JAKMIP3: variants seen among roughly 807,000 people sequenced by gnomAD.
JAKMIP3 encodes the protein janus kinase and microtubule-interacting protein 3.
In JAKMIP3, 58 loss-of-function variants were observed where a neutral mutation model predicts 118.5. The ratio of observed to expected loss-of-function variants is 0.49; its 90% confidence interval spans 0.40 to 0.61. The LOEUF is 0.61. Among genes scored for constraint, JAKMIP3 ranks in the 20% least tolerant of loss-of-function variants. The probability of loss-of-function intolerance (pLI) is 0.00; values close to 1 mark genes in which losing one functional copy is unlikely to be tolerated. For missense variants in JAKMIP3, 950 were observed against 1,109.0 expected, an observed-to-expected ratio of 0.86 and a Z score of 2.04; for synonymous variants, 486 against 451.2, an observed-to-expected ratio of 1.08 and a Z score of -0.98.
chr10:132,143,312 A>C (rs1401897575), intron 11 of JAKMIP3, among the ~76,000 whole-genome samples: 1 of 152,168 alleles, frequency 6.6e-6, no homozygotes, highest in Non-Finnish European at 1.5e-5. Context: ...CATAAAGCAC[A>C]GCAGCCCCGA....
intron 1 of JAKMIP3, among the ~76,000 whole-genome samples, chr10:132,103,704 A>G (rs898112249): frequency 5.9e-5 from 9 of 152,012 alleles, no homozygotes; most frequent in Admixed American, 1.3e-4. Flanking sequence ...CTAGTGCCTG[A>G]CCATGGATTG....
At chr10:132,091,697 C>T (rs1409455525) in intron 1 of JAKMIP3, among the ~76,000 whole-genome samples, 1 of 152,200 alleles carries the variant, frequency 6.6e-6, no homozygotes, top group African/African-American at 2.4e-5. Flanking sequence ...CTGAATACAG[C>T]ACACTGATGG....
chr10:132,078,984 C>T (rs925893091), intron 1 of JAKMIP3, among the ~76,000 whole-genome samples: 4 of 152,186 alleles, frequency 2.6e-5, no homozygotes, highest in Admixed American at 6.5e-5. Flanking sequence ...GGTGGGTGGC[C>T]CTGAAGGCTC....
At chr10:132,176,454 C>T (rs927989487) in intron 23 of JAKMIP3, among the ~76,000 whole-genome samples, 5 of 152,188 alleles carry the variant, frequency 3.3e-5, no homozygotes, top group Non-Finnish European at 5.9e-5. Flanking sequence ...GCTGCTTGCT[C>T]ATTTCGTCCC....
chr10:132,080,524 TTTTTTTTTTTTTTTTA>T (rs1347752984), intron 1 of JAKMIP3, among the ~76,000 whole-genome samples: 4 of 107,724 alleles, frequency 3.7e-5, no homozygotes, highest in African/African-American at 1.0e-4. Flanking sequence ...TTTTTTTTTT[TTTTTTTTTTTTTTTTA>T]AGATGGAGTC....
intron 19 of JAKMIP3, among the ~76,000 whole-genome samples, chr10:132,161,168 T>A (rs1349176193): frequency 1.9e-4 from 3 of 15,916 alleles, no homozygotes; most frequent in African/African-American, 5.2e-4. Flanking sequence ...AGCCTCTTCC[T>A]GTGTGATGCT....
rs1214638413 is a variant in JAKMIP3, at chr10:132,109,112, AC to A, written c.135+4170del. On this transcript the variant is annotated intron_variant, in intron 2 of 23. Coordinates refer to ENST00000684848, the MANE Select transcript of JAKMIP3 (RefSeq NM_001323087.2). ...CACACACATATATATATACACACACACATATATATATACACACACACATATA... is the reference window on the plus strand; with the variant it reads ...CACACACATATATATATACACACACAATATATATATACACACACACATATA... Among the ~76,000 whole-genome samples the A allele has an allele frequency of 4.2e-4, 60 of 144,268 alleles. 3 individuals carry two copies. The highest frequency in any genetic ancestry group is 1.6e-4 in the Non-Finnish European group (11 of 66,874). The allele number at this position is 144,268 out of a possible 152,430, so 94.6% of individuals were successfully genotyped here. A position where few individuals can be genotyped will look rare whatever the true frequency, so the allele number is the denominator to read the frequency against.
At chr10:132,138,266 G>A in intron 9 of JAKMIP3, 88 bp downstream of exon 9, 1 of 1,215,888 alleles carries the variant, frequency 8.2e-7, no homozygotes. Context: ...GCGCTGGTGT[G>A]TGCGGAGAGG....
chr10:132,110,770 T>A (rs902878850), intron 2 of JAKMIP3, among the ~76,000 whole-genome samples: 1 of 152,154 alleles, frequency 6.6e-6, no homozygotes, highest in Non-Finnish European at 1.5e-5. Flanking sequence ...GGGAGAGAGA[T>A]GGGACCGTTC....
chr10:132,074,942 C>A (rs1203047154), intron 1 of JAKMIP3, among the ~76,000 whole-genome samples: 1 of 152,118 alleles, frequency 6.6e-6, no homozygotes, highest in East Asian at 1.9e-4. Flanking sequence ...GGTGTCATTT[C>A]CCCAGTGCAT....
intron 1 of JAKMIP3, among the ~76,000 whole-genome samples, chr10:132,048,437 G>T (rs1242870034): frequency 6.6e-6 from 1 of 152,152 alleles, no homozygotes; most frequent in African/African-American, 2.4e-5. Flanking sequence ...TTGTCTGTTT[G>T]TTTATGTCAG....
intron 23 of JAKMIP3, among the ~76,000 whole-genome samples, chr10:132,180,409 G>A (rs1377364680): frequency 8.3e-6 from 1 of 121,198 alleles, no homozygotes; most frequent in African/African-American, 3.2e-5. Context: ...GTGAGGGACA[G>A]TGCCCAGAAA....
chr10:132,132,541 G>A (rs12257889), intron 3 of JAKMIP3, among the ~76,000 whole-genome samples: 7 of 147,026 alleles, frequency 4.8e-5, no homozygotes, highest in Admixed American at 6.7e-5. Flanking sequence ...AGCACAAAGC[G>A]CCACGTTGTA....
intron 8 of JAKMIP3, among the ~76,000 whole-genome samples, chr10:132,137,839 C>T (rs1030424482): frequency 1.3e-5 from 2 of 152,244 alleles, no homozygotes; most frequent in Admixed American, 6.5e-5. Flanking sequence ...TCACCTGCCC[C>T]GTGTGGCCCC....
At chr10:132,071,801 T>C (rs1314524521) in intron 1 of JAKMIP3, among the ~76,000 whole-genome samples, 2 of 130,238 alleles carry the variant, frequency 1.5e-5, no homozygotes, top group Non-Finnish European at 3.3e-5. Context: ...CCTTCCTTCC[T>C]TCTTTCCTTT....
In JAKMIP3 at chr10:132,150,057, G is replaced by T; in HGVS notation, c.2007+16G>T. The T allele has an allele frequency of 6.3e-7, 1 of 1,589,202 alleles. No homozygotes were observed. On this transcript the variant is annotated intron_variant, in intron 16 of 23. Coordinates refer to ENST00000684848, the MANE Select transcript of JAKMIP3 (RefSeq NM_001323087.2). ...CGCCGTAAGTGTATGTCGCTCTCCT[G>T]GCTTGTGCATGCCTCTTACACCCAC... is the stretch of plus-strand genomic sequence containing the variant.
intron 13 of JAKMIP3, among the ~76,000 whole-genome samples, chr10:132,146,227 C>A (rs949041028): frequency 1.3e-5 from 2 of 150,378 alleles, no homozygotes; most frequent in East Asian, 4.0e-4. Context: ...TGTGGCCAGG[C>A]TGCTCTCAGT....
chr10:132,153,928 C>T lies in JAKMIP3; in HGVS notation c.2158C>T (p.Gln720Ter). ...LESEKELFSK[Q>*]KGYLDEELDY... Reference sequence around the variant, plus strand: ...TGTGTTTCAGGAGCTGTTCAGTAAGCAGAAGGGCTACCTGGACGAGGAGCT... The same window carrying T: ...TGTGTTTCAGGAGCTGTTCAGTAAGTAGAAGGGCTACCTGGACGAGGAGCT... The change falls in exon 19 of 24, where the codon CAG becomes TAG. Residue 720 changes from glutamine (Q) to a stop codon, truncating the protein, a stop_gained. Transcript: ENST00000684848. LOFTEE classifies it high-confidence loss of function. 2 of 1,613,098 alleles carry T rather than the reference C, an allele frequency of 1.2e-6. No homozygotes were observed. Among genetic ancestry groups the T allele is most frequent in the Non-Finnish European group, 1.7e-6 (2 of 1,179,856 alleles).
chr10:132,063,027 T>C (rs377573184), upstream of JAKMIP3, among the ~76,000 whole-genome samples: 31 of 152,170 alleles, frequency 2.0e-4, 1 homozygote, highest in Admixed American at 1.2e-3. Flanking sequence ...CCCCGAGGAA[T>C]TGTATGGAGA....
Sources: allele counts gnomAD v4.1 joint callset (sites outside exome capture counted in the v4.1 genomes callset), GRCh38; gene constraint gnomAD v4.1.1; transcripts MANE v1.5; gene names NCBI Gene and HGNC (gene_info 2026-07-23, HGNC 2026-07-21).